Variants in DCDC2 observed in about 807,000 individuals in gnomAD.
DCDC2 encodes the protein doublecortin domain-containing protein 2.
In DCDC2, 40 loss-of-function variants were observed where a neutral mutation model predicts 50.2. The ratio of observed to expected loss-of-function variants is 0.80; its 90% CI spans 0.62 to 1.04. The LOEUF (loss-of-function observed/expected upper bound fraction) is 1.04. Ranked by LOEUF, DCDC2 falls within the 50% of genes least tolerant of loss-of-function variation. The pLI, the probability that DCDC2 is intolerant of heterozygous loss-of-function variation, is 0.00. For synonymous variants in DCDC2, 234 were observed against 210.6 expected, an observed-to-expected ratio of 1.11 and a Z score of -0.96; for missense variants, 570 against 581.9, an observed-to-expected ratio of 0.98 and a Z score of 0.21.
intron 6 of DCDC2, among the ~76,000 whole-genome samples, chr6:24,281,747 T>C (rs765369384): frequency 6.6e-6 from 1 of 152,168 alleles, no homozygotes; most frequent in Non-Finnish European, 1.5e-5. Flanking sequence ...GTCATTGCTA[T>C]TGGCAGAGCA....
chr6:24,253,628 T>C (rs1382741402), intron 7 of DCDC2, among the ~76,000 whole-genome samples: 1 of 152,178 alleles, frequency 6.6e-6, no homozygotes, highest in Non-Finnish European at 1.5e-5. Flanking sequence ...TACTGAGTAC[T>C]GTAGGCAACT....
At position 24,174,686 on chromosome 6, in the gene DCDC2, C is replaced by G; in HGVS notation, c.*44G>C. 1 of 1,348,076 alleles carries G rather than the reference C, an allele frequency of 7.4e-7. No homozygotes were observed. Among genetic ancestry groups the G allele is most frequent in the Non-Finnish European group, 1.1e-6 (1 of 942,674 alleles). 83.5% of individuals were successfully genotyped at this position (1,348,076 alleles called of 1,614,324 possible). On this transcript the variant is annotated 3_prime_UTR_variant, in exon 10 of 10. Transcript: ENST00000378454. ...TGCTTATCTTTCAAGTATGATAACC[C>G]TTCATTTTTCTTGCGATCCATATAC...
upstream of DCDC2, among the ~76,000 whole-genome samples, chr6:24,358,973 TTTATACA>T (rs1760567251): frequency 4.0e-5 from 2 of 49,550 alleles, no homozygotes; most frequent in Admixed American, 3.6e-4. Context: ...TATTATATAT[TTTATACA>T]TTATATATTA....
Position 24,203,859 on chromosome 6 carries a change from C to A in DCDC2, c.1023+1143G>T, listed in dbSNP as rs532821789. Among the ~76,000 whole-genome samples, 9 of 152,184 alleles carry A rather than the reference C, an allele frequency of 5.9e-5. No homozygotes were observed. In the East Asian group the frequency reaches 1.5e-3, roughly 26 times the overall value. ...AGCAGACACTTCTCAAAAGAAGACA[C>A]TTATGCAGCCAACAAACATAAGAAA... On this transcript the variant is annotated intron_variant, in intron 8 of 9. Transcript: ENST00000378454.
intron 7 of DCDC2, among the ~76,000 whole-genome samples, chr6:24,217,268 C>T (rs1235681718): frequency 6.6e-6 from 1 of 152,022 alleles, no homozygotes. Flanking sequence ...TAAATATATA[C>T]TTAAAGGATT....
chr6:24,262,706 G>A (rs1159252518), intron 7 of DCDC2, among the ~76,000 whole-genome samples: 1 of 152,142 alleles, frequency 6.6e-6, no homozygotes, highest in Non-Finnish European at 1.5e-5. Context: ...GAGCCCTGAT[G>A]CACTCATCCA....
Position 24,171,881 on chromosome 6 carries a change from A to G in DCDC2, c.*2849T>C, listed in dbSNP as rs1330992317. ...TTTAACAAAGTGGTTTCATAAAACT[A>G]TAAAAACTATGTATATAGCATCACA... On this transcript the variant is annotated 3_prime_UTR_variant, in exon 10 of 10. Transcript: ENST00000378454. The G allele has an allele frequency of 6.6e-6, 1 of 152,258 alleles. No homozygotes were observed. Among genetic ancestry groups the G allele is most frequent in the African/African-American group, 2.4e-5 (1 of 41,470 alleles). 9.4% of individuals were successfully genotyped at this position (152,258 alleles called of 1,614,324 possible).
At chr6:24,350,579 G>GC (rs1052455857) in intron 2 of DCDC2, among the ~76,000 whole-genome samples, 2 of 152,048 alleles carry the variant, frequency 1.3e-5, no homozygotes, top group African/African-American at 4.8e-5. Context: ...TGAAGGAAAT[G>GC]CCCCCCATTT....
chr6:24,318,353 G>A (rs9460988), intron 2 of DCDC2, among the ~76,000 whole-genome samples: 4,238 of 152,124 alleles, frequency 0.028, 109 homozygotes, highest in African/African-American at 0.064. Flanking sequence ...TACCAATATG[G>A]AGAGGTTTCC....
chr6:24,285,033 C>T (rs1330172294), intron 6 of DCDC2, among the ~76,000 whole-genome samples: 1 of 151,960 alleles, frequency 6.6e-6, no homozygotes, highest in Non-Finnish European at 1.5e-5. Flanking sequence ...TCCATACCCT[C>T]CCCCCCACAC....
chr6:24,220,009 T>C (rs532104444), intron 7 of DCDC2, among the ~76,000 whole-genome samples: 1 of 152,332 alleles, frequency 6.6e-6, no homozygotes, highest in South Asian at 2.1e-4. Flanking sequence ...TTCTTAATTA[T>C]ATCAGCCAAC....
upstream of DCDC2, among the ~76,000 whole-genome samples, chr6:24,360,304 C>T (rs1232866970): frequency 6.6e-6 from 1 of 152,136 alleles, no homozygotes; most frequent in East Asian, 1.9e-4. Context: ...ATCATGCGCT[C>T]ATTCATCATG....
At chr6:24,288,014 GTCTT>G (rs1449381369) in intron 6 of DCDC2, among the ~76,000 whole-genome samples, 21 of 152,166 alleles carry the variant, frequency 1.4e-4, no homozygotes, top group African/African-American at 5.1e-4. Flanking sequence ...AAAATTATTT[GTCTT>G]TCTTTCAAGA....
intron 2 of DCDC2, among the ~76,000 whole-genome samples, chr6:24,336,554 G>GATTGAAGTAATGATATC (rs1373839726): frequency 6.6e-6 from 1 of 152,024 alleles, no homozygotes; most frequent in Non-Finnish European, 1.5e-5. Context: ...TTCACTCTAT[G>GATTGAAGTAATGATATC]ATTACTTCTT....
chr6:24,250,926 A>C (rs1272694824), intron 7 of DCDC2, among the ~76,000 whole-genome samples: 1 of 152,188 alleles, frequency 6.6e-6, no homozygotes, highest in Non-Finnish European at 1.5e-5. Flanking sequence ...GTGTTAGAAA[A>C]TTTTTGAACC....
At chr6:24,261,278 C>T (rs139699281) in intron 7 of DCDC2, among the ~76,000 whole-genome samples, 1 of 145,388 alleles carries the variant, frequency 6.9e-6, no homozygotes, top group Non-Finnish European at 1.5e-5. Flanking sequence ...GATGTCAGTG[C>T]TTTTTTTTGT....
chr6:24,243,593 C>T (rs543610836), intron 7 of DCDC2, among the ~76,000 whole-genome samples: 2 of 152,310 alleles, frequency 1.3e-5, no homozygotes, highest in South Asian at 2.1e-4. Context: ...AACAAAACCC[C>T]TCTTACCTAT....
intron 7 of DCDC2, among the ~76,000 whole-genome samples, chr6:24,241,624 A>T (rs12199068): frequency 6.6e-6 from 1 of 152,184 alleles, no homozygotes; most frequent in Admixed American, 6.5e-5. Flanking sequence ...ATATTCATGA[A>T]AAGTTTACTA....
intron 2 of DCDC2, among the ~76,000 whole-genome samples, chr6:24,334,753 C>T (rs1315225491): frequency 6.6e-6 from 1 of 152,198 alleles, no homozygotes; most frequent in Non-Finnish European, 1.5e-5. Flanking sequence ...GAGAAACACA[C>T]TGGTGAAGAA....
Sources: gnomAD v4.1 joint callset for allele counts (sites outside exome capture counted in the v4.1 genomes callset) on GRCh38, gnomAD v4.1.1 for gene constraint, MANE v1.5 for transcripts, NCBI Gene and HGNC (gene_info 2026-07-23, HGNC 2026-07-21) for gene names.